The following PPFIA2 variants were observed in gnomAD, a reference collection of about 807,000 sequenced individuals.
The protein encoded by PPFIA2 is PPFI scaffold protein A2.
A neutral mutation model predicts 175.5 loss-of-function variants in PPFIA2; 46 were observed. The ratio of observed to expected loss-of-function variants is 0.26; its 90% confidence interval spans 0.21 to 0.34. The LOEUF (loss-of-function observed/expected upper bound fraction) is 0.34, where lower values mean the gene tolerates loss of function less well. Among genes scored for constraint, PPFIA2 ranks in the 10% least tolerant of loss-of-function variants. The probability of loss-of-function intolerance (pLI) is 1.00; values close to 1 mark genes in which losing one functional copy is unlikely to be tolerated. For synonymous variants in PPFIA2, 568 were observed against 511.4 expected, an observed-to-expected ratio of 1.11 and a Z score of -1.49; for missense variants, 1,179 against 1,506.1, an observed-to-expected ratio of 0.78 and a Z score of 3.60.
intron 4 of PPFIA2, among the ~76,000 whole-genome samples, chr12:81,542,836 C>T (rs767872041): frequency 6.6e-6 from 1 of 152,096 alleles, no homozygotes; most frequent in Non-Finnish European, 1.5e-5. Flanking sequence ...ATCTCCCAGG[C>T]TCTGGGAGAA....
At chr12:81,335,673 G>T (rs1314948688) in intron 21 of PPFIA2, among the ~76,000 whole-genome samples, 1 of 152,064 alleles carries the variant, frequency 6.6e-6, no homozygotes. Flanking sequence ...GAACTGGGAG[G>T]CGGAGGTTGC....
chr12:81,739,613 C>A (rs1490225489), intron 3 of PPFIA2, among the ~76,000 whole-genome samples: 1 of 151,896 alleles, frequency 6.6e-6, no homozygotes, highest in Non-Finnish European at 1.5e-5. Context: ...TATTATCGAT[C>A]AGCAACATAT....
intron 4 of PPFIA2, among the ~76,000 whole-genome samples, chr12:81,644,183 A>G (rs1013947034): frequency 1.3e-5 from 2 of 152,056 alleles, no homozygotes; most frequent in African/African-American, 4.8e-5. Context: ...ACATTATGAT[A>G]AAATTTACTT....
At chr12:81,510,647 A>G (rs1003446521) in intron 4 of PPFIA2, among the ~76,000 whole-genome samples, 1 of 152,148 alleles carries the variant, frequency 6.6e-6, no homozygotes, top group African/African-American at 2.4e-5. Flanking sequence ...AGGAATTTAA[A>G]CAGATGATAA....
At chr12:81,668,646 A>T (rs1404832785) in intron 4 of PPFIA2, among the ~76,000 whole-genome samples, 1 of 152,024 alleles carries the variant, frequency 6.6e-6, no homozygotes, top group Non-Finnish European at 1.5e-5. Flanking sequence ...ACTCCCTACC[A>T]GCTGACAGCT....
At chr12:81,619,731 G>GA (rs1469795511) in intron 4 of PPFIA2, among the ~76,000 whole-genome samples, 1 of 152,116 alleles carries the variant, frequency 6.6e-6, no homozygotes, top group Non-Finnish European at 1.5e-5. Context: ...AAACACATTG[G>GA]AAAATGTAAG....
intron 4 of PPFIA2, among the ~76,000 whole-genome samples, chr12:81,589,389 C>A (rs2058412109): frequency 6.6e-6 from 1 of 151,954 alleles, no homozygotes; most frequent in East Asian, 1.9e-4. Context: ...TTATATCTTT[C>A]AGTGCAATTT....
At chr12:81,473,034 C>T (rs2056970230) in intron 4 of PPFIA2, 3 of 152,210 alleles carry the variant, frequency 2.0e-5, no homozygotes, top group Admixed American at 6.5e-5. Flanking sequence ...CTTGAATTCT[C>T]TCTATCCTGT....
intron 8 of PPFIA2, among the ~76,000 whole-genome samples, chr12:81,395,660 C>T (rs994514464): frequency 1.3e-5 from 2 of 152,102 alleles, no homozygotes; most frequent in Middle Eastern, 3.4e-3. Context: ...AGATTAACCA[C>T]TAGAGAAGAG....
chr12:81,369,428 T>A, intron 11 of PPFIA2: 3 of 1,348,466 alleles, frequency 2.2e-6, no homozygotes, highest in Non-Finnish European at 2.9e-6. Flanking sequence ...AGCAATGAAA[T>A]CAGCCAAATG....
rs933891408 is a variant in PPFIA2, at chr12:81,459,288, T to G, written c.304-1422A>C. Among the ~76,000 whole-genome samples, 7 of 152,130 alleles carry G rather than the reference T, an allele frequency of 4.6e-5. No homozygotes were observed. The East Asian group carries it at 1.3e-3, about 29-fold the overall frequency. ...AAAGCAAATAGAAAACAATAAACCTTTCTCTAGAAAATAAAATTTTCTTCA... is the reference window on the plus strand; with the variant it reads ...AAAGCAAATAGAAAACAATAAACCTGTCTCTAGAAAATAAAATTTTCTTCA... On this transcript the variant is annotated intron_variant, in intron 4 of 32. Coordinates refer to ENST00000549396, the MANE Select transcript of PPFIA2 (RefSeq NM_003625.5).
At chr12:81,498,884 A>C (rs541502243) in intron 4 of PPFIA2, among the ~76,000 whole-genome samples, 1 of 152,244 alleles carries the variant, frequency 6.6e-6, no homozygotes, top group South Asian at 2.1e-4. Context: ...TGGCCTCCCA[A>C]ATTGCTGGGA....
intron 7 of PPFIA2, among the ~76,000 whole-genome samples, chr12:81,426,986 G>A (rs1330552253): frequency 6.6e-6 from 1 of 152,056 alleles, no homozygotes; most frequent in African/African-American, 2.4e-5. Context: ...ATAGTTAAAT[G>A]TTAAATTTTA....
intron 4 of PPFIA2, among the ~76,000 whole-genome samples, chr12:81,476,420 C>A (rs896325759): frequency 2.0e-5 from 3 of 152,178 alleles, no homozygotes; most frequent in African/African-American, 7.2e-5. Flanking sequence ...ATTGCAGAAT[C>A]ATCCCTGAAA....
chr12:81,362,406 G>C (rs954741866), intron 15 of PPFIA2, among the ~76,000 whole-genome samples: 4 of 150,994 alleles, frequency 2.6e-5, no homozygotes, highest in African/African-American at 9.7e-5. Context: ...CCTGTACACA[G>C]TTCAATTTCT....
In PPFIA2 at chr12:81,265,098, G is replaced by C. The variant is rs560132157; in HGVS notation, c.3556-1708C>G. Among the ~76,000 whole-genome samples, 3 of 150,604 alleles carry C rather than the reference G, an allele frequency of 2.0e-5. No individual in the cohort carries two copies. The East Asian group carries it at 5.8e-4, about 29-fold the overall frequency. ...ACCTGAGGTCAGGAGTTCCAGACCA[G>C]CCTGACCAACATGGAGAAACCCTGT... On this transcript the variant is annotated intron_variant, in intron 30 of 32. Coordinates refer to ENST00000549396, the MANE Select transcript of PPFIA2 (RefSeq NM_003625.5).
intron 24 of PPFIA2, among the ~76,000 whole-genome samples, chr12:81,289,060 T>C (rs1267417741): frequency 6.6e-6 from 1 of 151,824 alleles, no homozygotes; most frequent in Non-Finnish European, 1.5e-5. Flanking sequence ...TGAGTCAGTT[T>C]ACTTCTTTAC....
intron 4 of PPFIA2, among the ~76,000 whole-genome samples, chr12:81,532,553 G>T (rs1156924736): frequency 6.6e-6 from 1 of 151,624 alleles, no homozygotes; most frequent in Non-Finnish European, 1.5e-5. Flanking sequence ...AAAATGCAAA[G>T]AACCACTAAT....
At chr12:81,587,163 T>C (rs938116442) in intron 4 of PPFIA2, among the ~76,000 whole-genome samples, 4 of 152,022 alleles carry the variant, frequency 2.6e-5, no homozygotes, top group African/African-American at 4.8e-5. Context: ...TGCTTCCCCA[T>C]CCAAATATCA....
Sources: allele counts gnomAD v4.1 joint callset (sites outside exome capture counted in the v4.1 genomes callset), GRCh38; gene constraint gnomAD v4.1.1; transcripts MANE v1.5; gene names NCBI Gene and HGNC (gene_info 2026-07-23, HGNC 2026-07-21).